NSUN3: variants seen among roughly 807,000 people sequenced by gnomAD.
NSUN3 encodes the protein tRNA (cytosine(34)-C(5))-methyltransferase, mitochondrial.
A neutral mutation model predicts 36.8 loss-of-function variants in NSUN3; 24 were observed. The ratio of observed to expected loss-of-function variants is 0.65; its 90% CI spans 0.47 to 0.92. The LOEUF is 0.92. NSUN3 is among the 40% of genes least tolerant of loss of function. The probability of loss-of-function intolerance (pLI) is 0.00; values close to 1 mark genes in which losing one functional copy is unlikely to be tolerated. For synonymous variants in NSUN3, 146 were observed against 145.2 expected (o/e 1.01, Z -0.04); for missense variants, 381 against 392.8 (o/e 0.97, Z 0.25).
At chr3:94,094,346 T>C in intron 4 of NSUN3, 52 bp downstream of exon 4, 1 of 1,510,860 alleles carries the variant, frequency 6.6e-7, no homozygotes, top group Non-Finnish European at 9.1e-7. Context: ...ATACCACTAT[T>C]ATGTTGCTTT....
At chr3:94,076,198 A>C in intron 2 of NSUN3, 1 of 930,568 alleles carries the variant, frequency 1.1e-6, no homozygotes, top group Non-Finnish European at 1.8e-6. Flanking sequence ...AAATAGTCTC[A>C]CTGTGAGGTG....
At chr3:94,102,882 T>G (rs1348224450) in intron 5 of NSUN3, among the ~76,000 whole-genome samples, 1 of 151,868 alleles carries the variant, frequency 6.6e-6, no homozygotes, top group South Asian at 2.1e-4. Context: ...TAAAATTTAT[T>G]TATTTATTTA....
intron 2 of NSUN3, among the ~76,000 whole-genome samples, chr3:94,082,602 C>T (rs1576085402): frequency 6.6e-6 from 1 of 152,170 alleles, no homozygotes; most frequent in African/African-American, 2.4e-5. Context: ...CTCACATAGG[C>T]AACTCCAGGG....
At chr3:94,118,731 A>C (rs2077450331) in intron 5 of NSUN3, among the ~76,000 whole-genome samples, 1 of 152,008 alleles carries the variant, frequency 6.6e-6, no homozygotes, top group Non-Finnish European at 1.5e-5. Context: ...TGGCACAGAC[A>C]TTTACACAAG....
intron 5 of NSUN3, among the ~76,000 whole-genome samples, chr3:94,098,928 C>T (rs972920329): frequency 6.6e-6 from 1 of 152,034 alleles, no homozygotes; most frequent in Non-Finnish European, 1.5e-5. Flanking sequence ...CTAGTACGTG[C>T]CTCTCTTTTT....
chr3:94,128,612 A>G lies in NSUN3; in HGVS notation c.*2122A>G, dbSNP rs545445915. On this transcript the variant is annotated 3_prime_UTR_variant, in exon 6 of 6. Coordinates refer to ENST00000314622, the MANE Select transcript of NSUN3 (RefSeq NM_022072.5). ...ATATATATATATATATAATTTTATTAAAAGCAATTGCCCCAAAAGCAGAAA... is the reference window on the plus strand; with the variant it reads ...ATATATATATATATATAATTTTATTGAAAGCAATTGCCCCAAAAGCAGAAA... 2.0e-5 allele frequency: 3 copies of G among 150,168 alleles called. No individual in the cohort carries two copies. The South Asian group carries it at 6.3e-4, about 32-fold the overall frequency. 9.3% of individuals were successfully genotyped at this position (150,168 alleles called of 1,614,324 possible). A position where few individuals can be genotyped will look rare whatever the true frequency, so the allele number is the denominator to read the frequency against.
chr3:94,119,272 C>T (rs996175079), intron 5 of NSUN3, among the ~76,000 whole-genome samples: 4 of 152,084 alleles, frequency 2.6e-5, no homozygotes, highest in African/African-American at 9.7e-5. Context: ...AATCATTGAA[C>T]TTGTCTGATT....
chr3:94,108,509 C>T lies in NSUN3; in HGVS notation c.743+13355C>T, dbSNP rs540680734. Among the ~76,000 whole-genome samples the T allele has an allele frequency of 3.9e-5, 6 of 152,056 alleles. No individual in the cohort carries two copies. In the South Asian group the frequency reaches 6.2e-4, roughly 16 times the overall value. The stretch of plus-strand genomic sequence containing the variant: ...CCGAGTAGCTGGGACTACAGGCGCA[C>T]GCCACCATGCCCAGCTGTTTTTGTA... On this transcript the variant is annotated intron_variant, in intron 5 of 5. Coordinates refer to ENST00000314622, the MANE Select transcript of NSUN3 (RefSeq NM_022072.5).
intron 5 of NSUN3, among the ~76,000 whole-genome samples, chr3:94,121,006 C>CA (rs1217376190): frequency 2.0e-5 from 3 of 151,646 alleles, no homozygotes; most frequent in Admixed American, 1.3e-4. Flanking sequence ...GCTGTAAAAA[C>CA]AAAAAAAGAG....
chr3:94,079,227 C>A (rs550163333), intron 2 of NSUN3, among the ~76,000 whole-genome samples: 3 of 152,296 alleles, frequency 2.0e-5, no homozygotes, highest in East Asian at 3.9e-4. Context: ...GTTGAGAATT[C>A]TTTTCTTTAA....
At chr3:94,072,004 G>A (rs76659724) in intron 2 of NSUN3, among the ~76,000 whole-genome samples, 105 of 152,284 alleles carry the variant, frequency 6.9e-4, no homozygotes, top group Non-Finnish European at 8.7e-4. Flanking sequence ...AAGGGGAACT[G>A]TAAGAATCAT....
chr3:94,122,158 A>G (rs1043870567), intron 5 of NSUN3, among the ~76,000 whole-genome samples: 3 of 151,966 alleles, frequency 2.0e-5, no homozygotes, highest in Admixed American at 6.6e-5. Context: ...ACCTAAAAAA[A>G]AAAAAAAAAA....
intron 5 of NSUN3, among the ~76,000 whole-genome samples, chr3:94,107,975 T>TC (rs869071472): frequency 5.0e-4 from 3 of 5,978 alleles, no homozygotes; most frequent in African/African-American, 9.3e-4. Context: ...TTTTTTTTCC[T>TC]TTTTTTTTTT....
intron 5 of NSUN3, among the ~76,000 whole-genome samples, chr3:94,098,785 C>G (rs946566331): frequency 6.6e-6 from 1 of 152,122 alleles, no homozygotes; most frequent in Non-Finnish European, 1.5e-5. Context: ...TCTACTGATT[C>G]TTCGGGAATC....
intron 2 of NSUN3, chr3:94,077,036 C>A (rs1304860099): frequency 1.2e-5 from 10 of 817,218 alleles, no homozygotes; most frequent in Non-Finnish European, 2.2e-5. Context: ...AGCCACTGGG[C>A]AGTTAGGCTG....
chr3:94,115,246 G>T (rs76452650), intron 5 of NSUN3, among the ~76,000 whole-genome samples: 2,103 of 152,254 alleles, frequency 0.014, 48 homozygotes, highest in African/African-American at 0.047. Context: ...CCAACTGCAG[G>T]ATCGATGTTC....
chr3:94,102,134 AATCATCC>A (rs2077368266), intron 5 of NSUN3, among the ~76,000 whole-genome samples: 4 of 151,604 alleles, frequency 2.6e-5, no homozygotes, highest in Non-Finnish European at 4.4e-5. Context: ...AATTTGTATA[AATCATCC>A]AGATAACAAT....
intron 5 of NSUN3, among the ~76,000 whole-genome samples, chr3:94,100,792 G>T (rs561773925): frequency 7.2e-5 from 11 of 152,064 alleles, no homozygotes; most frequent in African/African-American, 2.7e-4. Context: ...TTATGACTGC[G>T]TGAAGGCATG....
At chr3:94,088,712 G>A (rs748952703) in intron 3 of NSUN3, among the ~76,000 whole-genome samples, 11 of 141,988 alleles carry the variant, frequency 7.7e-5, no homozygotes, top group Non-Finnish European at 1.2e-4. Flanking sequence ...TCTCTCTGTC[G>A]CCTAGGCTGG....
Sources: gnomAD v4.1 joint callset for allele counts (sites outside exome capture counted in the v4.1 genomes callset) on GRCh38, gnomAD v4.1.1 for gene constraint, MANE v1.5 for transcripts, NCBI Gene and HGNC (gene_info 2026-07-23, HGNC 2026-07-21) for gene names.